Variants in RIN2 observed in about 807,000 individuals in gnomAD.
RIN2 encodes the protein RAB5 interacting protein 2.
A neutral mutation model predicts 78.0 loss-of-function variants in RIN2; 36 were observed. The ratio of observed to expected loss-of-function variants is 0.46; its 90% CI spans 0.35 to 0.61. The LOEUF (loss-of-function observed/expected upper bound fraction) is 0.61, where lower values mean the gene tolerates loss of function less well. RIN2 is among the 20% of genes least tolerant of loss of function. The pLI is 0.00. For synonymous variants in RIN2, 466 were observed against 466.8 expected (o/e 1.00, Z 0.02); for missense variants, 1,087 against 1,159.7 (o/e 0.94, Z 0.91).
intron 4 of RIN2, among the ~76,000 whole-genome samples, chr20:19,939,789 T>A (rs2040789831): frequency 6.6e-6 from 1 of 152,158 alleles, no homozygotes; most frequent in African/African-American, 2.4e-5. Flanking sequence ...CCTGGCTTTA[T>A]GTTTCTTCAT....
chr20:19,935,643 T>G (rs1600859669), intron 4 of RIN2: 4 of 987,992 alleles, frequency 4.0e-6, no homozygotes, highest in Non-Finnish European at 4.8e-6. Flanking sequence ...CAAAAAACCA[T>G]TAACCTGAAA....
chr20:19,924,716 CTTTTTTTTTTTTTTTTTTTT>C (rs869199855), intron 3 of RIN2, among the ~76,000 whole-genome samples: 1 of 10,976 alleles, frequency 9.1e-5, no homozygotes, highest in African/African-American at 4.2e-4. Context: ...ATCCCCACCT[CTTTTTTTTTTTTTTTTTTTT>C]TTTTTTTTTT....
chr20:19,920,834 A>C lies in RIN2; in HGVS notation c.58-14265A>C, dbSNP rs577974104. ...GGGACTACAGGTGTGCACCATGTCC[A>C]GCTAATTTTTGTATTTTTAGTGGAG... On this transcript the variant is annotated intron_variant, in intron 3 of 12. Coordinates refer to ENST00000255006, the MANE Select transcript of RIN2 (RefSeq NM_018993.4). Among the ~76,000 whole-genome samples the C allele has an allele frequency of 3.5e-3, 532 of 152,146 alleles. 3 individuals carry two copies. The highest frequency in any genetic ancestry group is 0.011 in the African/African-American group (472 of 41,520).
At chr20:19,948,585 G>A (rs1262830745) in intron 4 of RIN2, among the ~76,000 whole-genome samples, 1 of 152,044 alleles carries the variant, frequency 6.6e-6, no homozygotes, top group African/African-American at 2.4e-5. Context: ...AGTAAAGACA[G>A]GGTTTCACCA....
chr20:19,849,539 G>A (rs1039170802), intron 2 of RIN2, among the ~76,000 whole-genome samples: 8 of 152,144 alleles, frequency 5.3e-5, no homozygotes, highest in African/African-American at 1.9e-4. Context: ...TTTTAAATAA[G>A]TCTTTTAACT....
At chr20:19,844,692 CTCTTCCTCTTCTTCTTCT>C (rs1246960919) in intron 2 of RIN2, among the ~76,000 whole-genome samples, 3,848 of 117,602 alleles carry the variant, frequency 0.033, 331 homozygotes, top group African/African-American at 0.1. Context: ...CTTCCTCTTC[CTCTTCCTCTTCTTCTTCT>C]TCTTCTTCTT....
intron 2 of RIN2, among the ~76,000 whole-genome samples, chr20:19,871,503 G>C (rs923040570): frequency 9.9e-5 from 15 of 152,166 alleles, no homozygotes; most frequent in Non-Finnish European, 1.8e-4. Flanking sequence ...AAAAATCACT[G>C]TTGCTAGTAA....
chr20:19,995,261 TAAAA>T (rs74180976), intron 11 of RIN2, among the ~76,000 whole-genome samples: 1 of 122,706 alleles, frequency 8.1e-6, no homozygotes, highest in Non-Finnish European at 1.7e-5. Flanking sequence ...GTTTTTTTTT[TAAAA>T]AAAAAAAAAA....
chr20:19,919,556 C>T (rs186650160), intron 3 of RIN2, among the ~76,000 whole-genome samples: 10 of 152,236 alleles, frequency 6.6e-5, no homozygotes, highest in Admixed American at 2.6e-4. Flanking sequence ...CCATAATCCC[C>T]GTACCTTGGG....
At chr20:19,940,134 G>A (rs1053476034) in intron 4 of RIN2, among the ~76,000 whole-genome samples, 2 of 152,168 alleles carry the variant, frequency 1.3e-5, no homozygotes, top group African/African-American at 4.8e-5. Context: ...TCACAAGCGT[G>A]TGCCACCACA....
At chr20:19,895,103 C>A (rs1299514132) in intron 3 of RIN2, among the ~76,000 whole-genome samples, 8 of 152,210 alleles carry the variant, frequency 5.3e-5, no homozygotes, top group Non-Finnish European at 4.4e-5. Context: ...GGCTTTAGAC[C>A]CACTTCATCC....
chr20:19,924,969 C>T (rs186048056), intron 3 of RIN2, among the ~76,000 whole-genome samples: 2 of 151,328 alleles, frequency 1.3e-5, no homozygotes, highest in Admixed American at 1.3e-4. Flanking sequence ...AAACTCCCGA[C>T]CTCAGGTGAT....
rs967032384 is a variant in RIN2, at chr20:19,849,390, C to T, written c.-36-40176C>T. Among the ~76,000 whole-genome samples, 11 of 152,174 alleles carry T rather than the reference C, an allele frequency of 7.2e-5. No homozygotes were observed. The East Asian group carries it at 7.7e-4, about 11-fold the overall frequency. On this transcript the variant is annotated intron_variant, in intron 2 of 12. Transcript: ENST00000255006. ...GGTTAGAGAACAGGACAGCCATGGA[C>T]ACAGGCTCCCAAGGTCAGGGCATGG...
rs892387003 is a variant in RIN2 at position 19,888,320 on chromosome 20, G to A, written c.-36-1246G>A. ...AAGCAGGGGTGTAAATCGTGGGGCC[G>A]AAAAAAACCTTTGTGCAAAGATCCT... On this transcript the variant is annotated intron_variant, in intron 2 of 12. Transcript: ENST00000255006. Among the ~76,000 whole-genome samples, 7 of 152,216 alleles carry A rather than the reference G, an allele frequency of 4.6e-5. No individual in the cohort carries two copies. The South Asian group carries it at 8.3e-4, about 18-fold the overall frequency.
At chr20:19,996,046 TG>T (rs1437473811) in intron 11 of RIN2, among the ~76,000 whole-genome samples, 1 of 152,118 alleles carries the variant, frequency 6.6e-6, no homozygotes, top group Non-Finnish European at 1.5e-5. Context: ...CTGGGCATGG[TG>T]GTCATGCCTG....
chr20:19,889,452 A>C (rs2038341992), intron 2 of RIN2, 114 bp from the exon 3 acceptor site: 1 of 1,175,680 alleles, frequency 8.5e-7, no homozygotes, highest in South Asian at 1.6e-5. Flanking sequence ...AATAAATGGC[A>C]CTGTGTTGTT....
chr20:19,885,661 G>A (rs2038157843), intron 2 of RIN2, among the ~76,000 whole-genome samples: 1 of 150,280 alleles, frequency 6.7e-6, no homozygotes, highest in African/African-American at 2.5e-5. Flanking sequence ...GTAAGACCCT[G>A]TCTCGAAAAA....
At chr20:19,980,705 T>A (rs745901697) in intron 9 of RIN2, among the ~76,000 whole-genome samples, 1 of 152,212 alleles carries the variant, frequency 6.6e-6, no homozygotes, top group Admixed American at 6.5e-5. Flanking sequence ...GGCACACCTA[T>A]GTTTTTCCAC....
At chr20:19,961,918 A>C (rs529868532) in intron 6 of RIN2, among the ~76,000 whole-genome samples, 109 of 152,306 alleles carry the variant, frequency 7.2e-4, no homozygotes, top group African/African-American at 2.6e-3. Context: ...AAAGGTAATA[A>C]ATTCATATTG....
Sources: gnomAD v4.1 joint callset for allele counts (sites outside exome capture counted in the v4.1 genomes callset) on GRCh38, gnomAD v4.1.1 for gene constraint, MANE v1.5 for transcripts, NCBI Gene and HGNC (gene_info 2026-07-23, HGNC 2026-07-21) for gene names.